Variants in ST6GALNAC3 observed in about 807,000 individuals in gnomAD.
The protein encoded by ST6GALNAC3 is alpha-N-acetylgalactosaminide alpha-2,6-sialyltransferase 3.
ST6GALNAC3 carries 25 observed loss-of-function variants against 32.7 expected under a neutral mutation model. That is an observed-to-expected ratio of 0.76 (90% CI 0.56 to 1.07). The LOEUF is 1.07. Among genes scored for constraint, ST6GALNAC3 ranks in the 50% least tolerant of loss-of-function variants. The pLI, the probability that ST6GALNAC3 is intolerant of heterozygous loss-of-function variation, is 0.00. For missense variants in ST6GALNAC3, 355 were observed against 382.4 expected (o/e 0.93, Z 0.60); for synonymous variants, 129 against 133.1 (o/e 0.97, Z 0.21).
intron 1 of ST6GALNAC3, among the ~76,000 whole-genome samples, chr1:76,087,812 A>G (rs1166493181): frequency 6.6e-6 from 1 of 152,240 alleles, no homozygotes; most frequent in Admixed American, 6.5e-5. Context: ...TAACTTGCCC[A>G]TGATAATAAT....
chr1:76,075,598 C>T (rs972810625), intron 1 of ST6GALNAC3, among the ~76,000 whole-genome samples: 25 of 152,202 alleles, frequency 1.6e-4, no homozygotes, highest in African/African-American at 5.5e-4. Flanking sequence ...CTTAGCCTCA[C>T]CTGAGCATCT....
intron 1 of ST6GALNAC3, among the ~76,000 whole-genome samples, chr1:76,277,881 C>T (rs1172937161): frequency 6.6e-6 from 1 of 152,020 alleles, no homozygotes; most frequent in Non-Finnish European, 1.5e-5. Context: ...TACCATATTG[C>T]CACTAGCTTC....
intron 1 of ST6GALNAC3, among the ~76,000 whole-genome samples, chr1:76,263,550 AAAG>A (rs1437874873): frequency 6.6e-6 from 1 of 152,190 alleles, no homozygotes; most frequent in African/African-American, 2.4e-5. Context: ...CTCAACGAAG[AAAG>A]AAGATCATTG....
At chr1:76,389,880 T>A (rs768141887) in intron 2 of ST6GALNAC3, among the ~76,000 whole-genome samples, 62 of 152,214 alleles carry the variant, frequency 4.1e-4, no homozygotes, top group Non-Finnish European at 8.1e-4. Context: ...GTTTTCTGCA[T>A]GATTTATTAT....
At chr1:76,617,029 A>G (rs1186376289) in intron 3 of ST6GALNAC3, among the ~76,000 whole-genome samples, 1 of 152,204 alleles carries the variant, frequency 6.6e-6, no homozygotes, top group Non-Finnish European at 1.5e-5. Flanking sequence ...AGCCCTAAGC[A>G]ACAAGACTTG....
chr1:76,464,941 G>A (rs1296187996), intron 3 of ST6GALNAC3, among the ~76,000 whole-genome samples: 1 of 152,010 alleles, frequency 6.6e-6, no homozygotes, highest in African/African-American at 2.4e-5. Flanking sequence ...CTTCAATGTT[G>A]CCAAAAGTCA....
intron 1 of ST6GALNAC3, among the ~76,000 whole-genome samples, chr1:76,116,503 A>G (rs529314996): frequency 2.6e-5 from 4 of 152,250 alleles, no homozygotes; most frequent in African/African-American, 9.6e-5. Context: ...CAGATGATTG[A>G]TCCAGGGATT....
chr1:76,250,399 T>G lies in ST6GALNAC3; in HGVS notation c.19-63406T>G, dbSNP rs561096410. Among the ~76,000 whole-genome samples, 10 of 152,308 alleles carry G rather than the reference T, an allele frequency of 6.6e-5. No homozygotes were observed. In the South Asian group the frequency reaches 1.7e-3, roughly 25 times the overall value. On this transcript the variant is annotated intron_variant, in intron 1 of 4. Coordinates refer to ENST00000328299, the MANE Select transcript of ST6GALNAC3 (RefSeq NM_152996.4). ...TGCAGCAATTGCTTTAATTGGACAT[T>G]CCTCACCCCTCTAGTCTGACTTGTT...
chr1:76,553,626 T>C (rs1426454815), intron 3 of ST6GALNAC3, among the ~76,000 whole-genome samples: 1 of 152,186 alleles, frequency 6.6e-6, no homozygotes, highest in East Asian at 1.9e-4. Flanking sequence ...TACCTGGTGA[T>C]GGAAAATGTG....
At chr1:76,588,295 G>A (rs1467902226) in intron 3 of ST6GALNAC3, among the ~76,000 whole-genome samples, 1 of 151,746 alleles carries the variant, frequency 6.6e-6, no homozygotes, top group Non-Finnish European at 1.5e-5. Flanking sequence ...TCCAAATAAA[G>A]TGTATGATCC....
At chr1:76,291,716 A>T (rs1398560355) in intron 1 of ST6GALNAC3, among the ~76,000 whole-genome samples, 1 of 151,874 alleles carries the variant, frequency 6.6e-6, no homozygotes, top group Non-Finnish European at 1.5e-5. Context: ...TCCTATGTTC[A>T]ATTTGTTATT....
intron 2 of ST6GALNAC3, among the ~76,000 whole-genome samples, chr1:76,369,490 A>T (rs902226607): frequency 3.9e-5 from 6 of 152,182 alleles, no homozygotes; most frequent in Non-Finnish European, 8.8e-5. Context: ...TATTTCACCA[A>T]GGAAGAAGCT....
intron 1 of ST6GALNAC3, among the ~76,000 whole-genome samples, chr1:76,127,623 A>G (rs141160523): frequency 4.1e-4 from 63 of 152,350 alleles, no homozygotes; most frequent in African/African-American, 1.3e-3. Flanking sequence ...ATCTCTTGCC[A>G]TGATCCTGAG....
chr1:76,382,249 A>G lies in ST6GALNAC3; in HGVS notation c.214-29759A>G, dbSNP rs140102317. Among the ~76,000 whole-genome samples the G allele has an allele frequency of 2.5e-3, 387 of 152,310 alleles. 2 individuals are homozygous for G. The highest frequency in any genetic ancestry group is 8.5e-3 in the African/African-American group (353 of 41,578). ...AGAACATTACCAGGCATGTCAGGAA[A>G]TATAACCAAATAAATGAATTTCTTA... is the stretch of plus-strand genomic sequence containing the variant. On this transcript the variant is annotated intron_variant, in intron 2 of 4. Transcript: ENST00000328299.
chr1:76,445,750 T>C (rs1353037507), intron 3 of ST6GALNAC3, among the ~76,000 whole-genome samples: 1 of 152,230 alleles, frequency 6.6e-6, no homozygotes, highest in Non-Finnish European at 1.5e-5. Flanking sequence ...TTTTTAAAAC[T>C]AGCTTTTATT....
intron 3 of ST6GALNAC3, among the ~76,000 whole-genome samples, chr1:76,484,502 C>T (rs1659962722): frequency 6.6e-6 from 1 of 152,164 alleles, no homozygotes; most frequent in Non-Finnish European, 1.5e-5. Flanking sequence ...TGGGAGTTCA[C>T]TCATGATTTG....
chr1:76,356,417 G>A (rs532037863), intron 2 of ST6GALNAC3, among the ~76,000 whole-genome samples: 1 of 108,920 alleles, frequency 9.2e-6, no homozygotes, highest in East Asian at 2.8e-4. Context: ...TGGTGATATA[G>A]CAATGAACAG....
At chr1:76,147,641 T>C (rs553013413) in intron 1 of ST6GALNAC3, among the ~76,000 whole-genome samples, 45 of 152,308 alleles carry the variant, frequency 3.0e-4, no homozygotes, top group African/African-American at 1.0e-3. Flanking sequence ...GTAAGCTCCA[T>C]GAGACTGGGA....
chr1:76,277,938 C>T (rs1490092303), intron 1 of ST6GALNAC3, among the ~76,000 whole-genome samples: 2 of 152,102 alleles, frequency 1.3e-5, no homozygotes, highest in Non-Finnish European at 2.9e-5. Flanking sequence ...AGTCTCCTCC[C>T]ACATTCTCAC....
Sources: allele counts gnomAD v4.1 joint callset (sites outside exome capture counted in the v4.1 genomes callset), GRCh38; gene constraint gnomAD v4.1.1; transcripts MANE v1.5; gene names NCBI Gene and HGNC (gene_info 2026-07-23, HGNC 2026-07-21).